The following PRKCA variants were observed in gnomAD, a reference collection of about 807,000 sequenced individuals.
The protein encoded by PRKCA is protein kinase C alpha.
In PRKCA, 27 loss-of-function variants were observed where a neutral mutation model predicts 87.0. The ratio of observed to expected loss-of-function variants is 0.31; its 90% CI spans 0.23 to 0.43. The LOEUF is 0.43. Ranked by LOEUF, PRKCA falls within the 20% of genes least tolerant of loss-of-function variation. PRKCA has a pLI of 1.00. For missense variants in PRKCA, 518 were observed against 852.3 expected (o/e 0.61, Z 4.88); for synonymous variants, 329 against 311.1 (o/e 1.06, Z -0.61).
chr17:66,668,209 ACCAAAATAGTGTCTTCT>A (rs1243439509), intron 5 of PRKCA, among the ~76,000 whole-genome samples: 1 of 152,216 alleles, frequency 6.6e-6, no homozygotes, highest in Admixed American at 6.5e-5. Context: ...ATTTCAGAGG[ACCAAAATAGTGTCTTCT>A]CTCATCTTTC....
At chr17:66,528,965 C>A (rs149812097) in intron 3 of PRKCA, among the ~76,000 whole-genome samples, 99 of 152,262 alleles carry the variant, frequency 6.5e-4, no homozygotes, top group African/African-American at 2.3e-3. Flanking sequence ...ATAAGCCCAG[C>A]CAAATTGTTC....
chr17:66,716,429 C>T (rs73329741), intron 8 of PRKCA, among the ~76,000 whole-genome samples: 27,475 of 152,074 alleles, frequency 0.18, 2,575 homozygotes, highest in East Asian at 0.27. Context: ...GGGCATCAGA[C>T]GCAAGTGTGC....
At chr17:66,683,581 A>AC (rs146533630) in intron 5 of PRKCA, among the ~76,000 whole-genome samples, 1 of 150,284 alleles carries the variant, frequency 6.7e-6, no homozygotes, top group African/African-American at 2.5e-5. Context: ...CAGCGTCCTC[A>AC]CCCTCTGACT....
At chr17:66,766,493 A>T (rs1974814416) in intron 13 of PRKCA, among the ~76,000 whole-genome samples, 1 of 152,144 alleles carries the variant, frequency 6.6e-6, no homozygotes. Flanking sequence ...TTCAGCCCTC[A>T]CTGATCCTTT....
chr17:66,350,453 A>G (rs1907672992), intron 2 of PRKCA, among the ~76,000 whole-genome samples: 1 of 152,190 alleles, frequency 6.6e-6, no homozygotes, highest in East Asian at 1.9e-4. Flanking sequence ...AAATGGAAAT[A>G]AAAATCTAAA....
intron 3 of PRKCA, among the ~76,000 whole-genome samples, chr17:66,550,651 A>T (rs1457166153): frequency 6.6e-6 from 1 of 152,008 alleles, no homozygotes; most frequent in Non-Finnish European, 1.5e-5. Context: ...TCTGTCTCAA[A>T]ATCAATCAAT....
In PRKCA at chr17:66,694,332, A is replaced by C. The variant is rs1972862292; in HGVS notation, c.918+5285A>C. 2.6e-5 allele frequency among the ~76,000 whole-genome samples: 4 copies of C among 152,086 alleles called. No individual in the cohort carries two copies. The South Asian group carries it at 8.3e-4, about 32-fold the overall frequency. On this transcript the variant is annotated intron_variant, in intron 8 of 16. Coordinates refer to ENST00000413366, the MANE Select transcript of PRKCA (RefSeq NM_002737.3). ...CCTGTCTCTACCAAAAATACAAAAA[A>C]TTAGCCGGGCATAGTGGCGGGCGCC...
At chr17:66,802,077 C>T (rs1975914572) in intron 16 of PRKCA, among the ~76,000 whole-genome samples, 1 of 152,066 alleles carries the variant, frequency 6.6e-6, no homozygotes, top group Non-Finnish European at 1.5e-5. Context: ...AAAAAATAGT[C>T]AGGTGTGGTG....
intron 5 of PRKCA, among the ~76,000 whole-genome samples, chr17:66,667,135 C>A (rs932482856): frequency 2.6e-5 from 4 of 152,176 alleles, no homozygotes; most frequent in African/African-American, 9.7e-5. Context: ...TCCCTTCCCC[C>A]ACCTCTGCCA....
intron 8 of PRKCA, among the ~76,000 whole-genome samples, chr17:66,717,715 G>A (rs1035981659): frequency 6.6e-6 from 1 of 152,178 alleles, no homozygotes; most frequent in Non-Finnish European, 1.5e-5. Context: ...GCCACGAAGC[G>A]GCGCAGAGGC....
At chr17:66,579,098 A>G (rs933615046) in intron 3 of PRKCA, among the ~76,000 whole-genome samples, 17 of 152,194 alleles carry the variant, frequency 1.1e-4, no homozygotes, top group Non-Finnish European at 1.5e-4. Context: ...CCTAGTCAGT[A>G]CACAGTCAGC....
rs535568578 is a variant in PRKCA, at chr17:66,735,772, G to A, written c.1230+110G>A. The A allele has an allele frequency of 3.8e-6, 5 of 1,305,778 alleles. No individual in the cohort carries two copies. In the Admixed American group the frequency reaches 1.1e-4, roughly 29 times the overall value. The allele number at this position is 1,305,778 out of a possible 1,614,324, so 80.9% of individuals were successfully genotyped here. ...TTTGGAGAAGGCTGGAGAAAGGTGT[G>A]TTGTGATGTCAAGCAGAGGTGACTG... On this transcript the variant is annotated intron_variant, in intron 10 of 16. Transcript: ENST00000413366.
chr17:66,396,631 C>CTTTT (rs10626483), intron 2 of PRKCA, among the ~76,000 whole-genome samples: 7 of 137,220 alleles, frequency 5.1e-5, no homozygotes, highest in Non-Finnish European at 7.6e-5. Context: ...CATTCTCTCT[C>CTTTT]TTTTTTTTTT....
chr17:66,348,552 GA>G (rs1448259597), intron 2 of PRKCA, among the ~76,000 whole-genome samples: 3 of 152,188 alleles, frequency 2.0e-5, no homozygotes, highest in Non-Finnish European at 2.9e-5. Context: ...TAAGAGGTTA[GA>G]AACATCACAT....
At chr17:66,384,404 C>T (rs1036968243) in intron 2 of PRKCA, among the ~76,000 whole-genome samples, 3 of 152,138 alleles carry the variant, frequency 2.0e-5, no homozygotes, top group Admixed American at 6.5e-5. Flanking sequence ...GGGATTTTCT[C>T]GCACATTTCC....
At chr17:66,520,150 A>G (rs1967110295) in intron 3 of PRKCA, among the ~76,000 whole-genome samples, 1 of 144,800 alleles carries the variant, frequency 6.9e-6, no homozygotes, top group Non-Finnish European at 1.5e-5. Flanking sequence ...TTTTTTAGAC[A>G]GAGTCTTGCT....
chr17:66,615,628 G>A (rs1248489414), intron 3 of PRKCA, among the ~76,000 whole-genome samples: 1 of 152,106 alleles, frequency 6.6e-6, no homozygotes, highest in East Asian at 1.9e-4. Context: ...CCAGGCCTGC[G>A]TGTGCCCTGG....
chr17:66,757,801 T>C lies in PRKCA; in HGVS notation c.1524+15041T>C, dbSNP rs1023395572. ...GTGCAGTGGCGCCATCTCGGCTCAC[T>C]GCAAGCTCCGCCTCCCAGGTTCATA... On this transcript the variant is annotated intron_variant, in intron 13 of 16. Coordinates refer to ENST00000413366, the MANE Select transcript of PRKCA (RefSeq NM_002737.3). Among the ~76,000 whole-genome samples, 14 of 152,306 alleles carry C rather than the reference T, an allele frequency of 9.2e-5. No homozygotes were observed. In the South Asian group the frequency reaches 1.0e-3, roughly 11 times the overall value.
intron 2 of PRKCA, among the ~76,000 whole-genome samples, chr17:66,350,671 C>T (rs371020500): frequency 6.6e-6 from 1 of 152,060 alleles, no homozygotes; most frequent in Non-Finnish European, 1.5e-5. Context: ...TATAGGTGCA[C>T]ACAACCACAC....
Sources: gnomAD v4.1 joint callset for allele counts (sites outside exome capture counted in the v4.1 genomes callset) on GRCh38, gnomAD v4.1.1 for gene constraint, MANE v1.5 for transcripts, NCBI Gene and HGNC (gene_info 2026-07-23, HGNC 2026-07-21) for gene names.